Variants in SLC1A2 observed in about 807,000 individuals in gnomAD.
SLC1A2 encodes the protein solute carrier family 1 member 2.
In SLC1A2, 15 loss-of-function variants were observed where a neutral mutation model predicts 48.8. That is an observed-to-expected ratio of 0.31 (90% confidence interval 0.21 to 0.47). The LOEUF is 0.47. Among genes scored for constraint, SLC1A2 ranks in the 20% least tolerant of loss-of-function variants. The pLI is 0.99. For synonymous variants in SLC1A2, 279 were observed against 272.6 expected (o/e 1.02, Z -0.23); for missense variants, 502 against 730.5 (o/e 0.69, Z 3.61).
intron 1 of SLC1A2, 124 bp downstream of exon 1, chr11:35,418,826 C>A: frequency 1.2e-6 from 1 of 800,648 alleles, no homozygotes; most frequent in Admixed American, 2.1e-5. Flanking sequence ...CCCAGCCAAG[C>A]TACGGCTCCG....
At chr11:35,378,046 C>A (rs1220109448) in intron 1 of SLC1A2, among the ~76,000 whole-genome samples, 1 of 152,204 alleles carries the variant, frequency 6.6e-6, no homozygotes, top group African/African-American at 2.4e-5. Context: ...AAGAATAAAG[C>A]CATACAGAAC....
chr11:35,313,728 G>A (rs951051388), intron 3 of SLC1A2, among the ~76,000 whole-genome samples: 1 of 152,186 alleles, frequency 6.6e-6, no homozygotes, highest in Non-Finnish European at 1.5e-5. Context: ...CTGGTTTATA[G>A]AGGAGCACTG....
chr11:35,406,767 A>G (rs1590284770), intron 1 of SLC1A2, among the ~76,000 whole-genome samples: 1 of 152,178 alleles, frequency 6.6e-6, no homozygotes, highest in African/African-American at 2.4e-5. Context: ...CAAGAGTTCC[A>G]TTGTACTATG....
intron 1 of SLC1A2, among the ~76,000 whole-genome samples, chr11:35,408,247 T>A (rs1256621557): frequency 6.6e-6 from 1 of 152,154 alleles, no homozygotes; most frequent in Non-Finnish European, 1.5e-5. Flanking sequence ...ATCTCCCACC[T>A]AAACTATTGC....
intron 1 of SLC1A2, among the ~76,000 whole-genome samples, chr11:35,407,278 A>G (rs1258482518): frequency 6.6e-6 from 1 of 152,122 alleles, no homozygotes; most frequent in Admixed American, 6.5e-5. Context: ...GTGCTCCCCT[A>G]TACTGTGGGA....
intron 2 of SLC1A2, chr11:35,315,808 A>AAAAAAAAAAAAAAG: frequency 7.2e-6 from 1 of 139,368 alleles, no homozygotes; most frequent in Non-Finnish European, 1.5e-5. Flanking sequence ...AAAAAAAAAA[A>AAAAAAAAAAAAAAG]AAAGAAAGAA....
intron 1 of SLC1A2, among the ~76,000 whole-genome samples, chr11:35,407,814 C>A (rs1037022566): frequency 4.6e-5 from 7 of 152,234 alleles, no homozygotes; most frequent in Non-Finnish European, 1.0e-4. Flanking sequence ...TGAATCACCT[C>A]CCTCTGCCCA....
At chr11:35,341,172 G>A (rs903544629) in intron 1 of SLC1A2, among the ~76,000 whole-genome samples, 1 of 152,164 alleles carries the variant, frequency 6.6e-6, no homozygotes, top group Admixed American at 6.5e-5. Context: ...GGTTCGCCCC[G>A]AAGTGCTACA....
In SLC1A2 at chr11:35,419,009, T is replaced by G; in HGVS notation, c.-43A>C. ...CTCCTCTTCAGCACTATCCGGCAGC[T>G]GTGGGCGAGGGAGAAAGCGGACGCC... On this transcript the variant is annotated 5_prime_UTR_variant, in exon 1 of 11. Coordinates refer to ENST00000278379, the MANE Select transcript of SLC1A2 (RefSeq NM_004171.4). This position sits in a 1 kb window ranked among gnomAD's most constrained non-coding sequence, Gnocchi z 5.4. 1 of 1,542,132 alleles carries G rather than the reference T, an allele frequency of 6.5e-7. No homozygotes were observed. The highest frequency in any genetic ancestry group is 1.2e-5 in the South Asian group (1 of 83,470).
At chr11:35,323,918 A>G (rs1336839757) in intron 1 of SLC1A2, among the ~76,000 whole-genome samples, 1 of 152,168 alleles carries the variant, frequency 6.6e-6, no homozygotes, top group Non-Finnish European at 1.5e-5. Context: ...TCAGGTCTAG[A>G]TTTCTAACAT....
intron 1 of SLC1A2, among the ~76,000 whole-genome samples, chr11:35,343,230 A>G (rs926702665): frequency 3.3e-5 from 5 of 152,270 alleles, no homozygotes; most frequent in Non-Finnish European, 7.3e-5. Flanking sequence ...CCTGAAAAAC[A>G]GGATGTGGGA....
At chr11:35,410,610 G>C (rs1475265135) in intron 1 of SLC1A2, among the ~76,000 whole-genome samples, 1 of 152,072 alleles carries the variant, frequency 6.6e-6, no homozygotes, top group African/African-American at 2.4e-5. Context: ...CCAGCTGCTG[G>C]GCATGTTGAT....
intron 1 of SLC1A2, among the ~76,000 whole-genome samples, chr11:35,383,856 T>G (rs529777635): frequency 6.6e-6 from 1 of 152,318 alleles, no homozygotes; most frequent in East Asian, 1.9e-4. Flanking sequence ...TTTTGAGGAA[T>G]GGCCACCATG....
chr11:35,419,883 A>T, upstream of SLC1A2: 1 of 461,994 alleles, frequency 2.2e-6, no homozygotes, highest in Non-Finnish European at 4.5e-6. This position sits in a 1 kb window ranked among gnomAD's most constrained non-coding sequence, Gnocchi z 5.4. Flanking sequence ...CACTCCCCGG[A>T]GCACCCGCTT....
intron 1 of SLC1A2, among the ~76,000 whole-genome samples, chr11:35,368,177 CT>C (rs1565280740): frequency 1.3e-5 from 2 of 152,180 alleles, no homozygotes; most frequent in Admixed American, 6.5e-5. Flanking sequence ...CATGTGCCCC[CT>C]AAAATCATCT....
chr11:35,338,843 C>T (rs2135023655), intron 1 of SLC1A2, among the ~76,000 whole-genome samples: 1 of 152,298 alleles, frequency 6.6e-6, no homozygotes, highest in East Asian at 1.9e-4. Flanking sequence ...TTACTTTACC[C>T]ACTAAGATAC....
chr11:35,340,999 G>A (rs1353532896), intron 1 of SLC1A2, among the ~76,000 whole-genome samples: 1 of 152,206 alleles, frequency 6.6e-6, no homozygotes, highest in Non-Finnish European at 1.5e-5. Context: ...GTATGTTACT[G>A]TGAATCTCCC....
chr11:35,363,845 C>T (rs1490196932), intron 1 of SLC1A2, among the ~76,000 whole-genome samples: 1 of 152,144 alleles, frequency 6.6e-6, no homozygotes, highest in African/African-American at 2.4e-5. Context: ...ACCTTTTCCT[C>T]ACTGATTGGT....
chr11:35,303,653 G>A (rs981330765), intron 5 of SLC1A2, among the ~76,000 whole-genome samples: 2 of 152,132 alleles, frequency 1.3e-5, no homozygotes, highest in East Asian at 3.8e-4. Context: ...AGGTCCCAAA[G>A]AACTGGAATA....
Sources: allele counts gnomAD v4.1 joint callset (sites outside exome capture counted in the v4.1 genomes callset), GRCh38; gene constraint gnomAD v4.1.1; non-coding constraint Gnocchi (gnomAD v3.1); transcripts MANE v1.5; gene names NCBI Gene and HGNC (gene_info 2026-07-23, HGNC 2026-07-21).